The following DYNC2H1 variants were observed in gnomAD, a reference collection of about 807,000 sequenced individuals.
The protein encoded by DYNC2H1 is dynein cytoplasmic 2 heavy chain 1, also known as cytoplasmic dynein 2 heavy chain 1.
A neutral mutation model predicts 570.0 loss-of-function variants in DYNC2H1; 410 were observed. That is an observed-to-expected ratio of 0.72 (90% confidence interval 0.66 to 0.78). The LOEUF (loss-of-function observed/expected upper bound fraction) is 0.78, where lower values mean the gene tolerates loss of function less well. Among genes scored for constraint, DYNC2H1 ranks in the 30% least tolerant of loss-of-function variants. The pLI is 0.00. For synonymous variants in DYNC2H1, 1,688 were observed against 1,677.6 expected (o/e 1.01, Z -0.15); for missense variants, 4,865 against 5,046.4 (o/e 0.96, Z 1.09).
chr11:103,396,272 T>C (rs1314374214), intron 83 of DYNC2H1, among the ~76,000 whole-genome samples: 1 of 152,236 alleles, frequency 6.6e-6, no homozygotes, highest in Non-Finnish European at 1.5e-5. Flanking sequence ...GTTGAGAGGT[T>C]GGCAAACTGC....
chr11:103,208,647 A>G (rs1456995500), intron 52 of DYNC2H1, among the ~76,000 whole-genome samples: 1 of 152,162 alleles, frequency 6.6e-6, no homozygotes, highest in Admixed American at 6.6e-5. Context: ...TTATTTAATA[A>G]GCAACTAGAA....
intron 83 of DYNC2H1, among the ~76,000 whole-genome samples, chr11:103,379,957 A>G (rs569889050): frequency 6.6e-6 from 1 of 152,206 alleles, no homozygotes; most frequent in Non-Finnish European, 1.5e-5. Flanking sequence ...AACAGGAATT[A>G]TTTGGGGAGA....
At position 103,189,618 on chromosome 11, in the gene DYNC2H1, T is replaced by A. The variant is rs1862215042; in HGVS notation, c.7293-54T>A. On this transcript the variant is annotated intron_variant, in intron 44 of 88. Coordinates refer to ENST00000375735, the MANE Select transcript of DYNC2H1 (RefSeq NM_001377.3). This position sits in a 1 kb window ranked among gnomAD's most constrained non-coding sequence, Gnocchi z 4.3. Reference sequence around the variant, plus strand: ...CTGTTGTAACTTAACATTGAAATATTAATTTGGAATACTGATTTATTTCAG... The same window carrying A: ...CTGTTGTAACTTAACATTGAAATATAAATTTGGAATACTGATTTATTTCAG... 6.4e-7 allele frequency: 1 copy of A among 1,551,148 alleles called. No individual in the cohort carries two copies. The highest frequency in any genetic ancestry group is 1.4e-5 in the African/African-American group (1 of 73,468).
At chr11:103,206,047 G>A (rs987324191) in intron 52 of DYNC2H1, among the ~76,000 whole-genome samples, 4 of 152,140 alleles carry the variant, frequency 2.6e-5, no homozygotes, top group Non-Finnish European at 1.5e-5. Flanking sequence ...AGCAATGGTT[G>A]GAGCAGTTAC....
intron 59 of DYNC2H1, among the ~76,000 whole-genome samples, chr11:103,227,152 C>T (rs1945142468): frequency 6.6e-6 from 1 of 151,126 alleles, no homozygotes; most frequent in Admixed American, 6.6e-5. Flanking sequence ...TTTCATTTAT[C>T]TTTTGTATTT....
chr11:103,203,748 T>TGG lies in DYNC2H1; in HGVS notation c.8284_8285dup (p.Pro2763AspfsTer19), dbSNP rs780078255. 6.2e-7 allele frequency: 1 copy of TGG among 1,611,276 alleles called. No individual in the cohort carries two copies. The highest frequency in any genetic ancestry group is 2.2e-5 in the East Asian group (1 of 44,708). On this transcript the variant is annotated frameshift_variant, in exon 51 of 89. Coordinates refer to ENST00000375735, the MANE Select transcript of DYNC2H1 (RefSeq NM_001377.3). LOFTEE classifies it high-confidence loss of function. This position sits in a 1 kb window ranked among gnomAD's most constrained non-coding sequence, Gnocchi z 4.7. ...ATCAAGCTTCACAAGATGGTTTTTT[T>TGG]GGACCAGTCTTCAATTACTTCACAT... is the stretch of plus-strand genomic sequence containing the variant.
intron 82 of DYNC2H1, among the ~76,000 whole-genome samples, chr11:103,337,804 G>T (rs1015187869): frequency 1.3e-5 from 2 of 152,164 alleles, no homozygotes; most frequent in Non-Finnish European, 2.9e-5. Flanking sequence ...GTTGAATAGT[G>T]TGCATATATT....
At chr11:103,459,308 CAAAAAAAAAAAA>C (rs33941099) in intron 87 of DYNC2H1, among the ~76,000 whole-genome samples, 2 of 52,426 alleles carry the variant, frequency 3.8e-5, no homozygotes, top group South Asian at 1.2e-3. Context: ...GACTCCGTCT[CAAAAAAAAAAAA>C]AAAAAAAAAA....
Position 103,456,285 on chromosome 11 carries a change from C to T in DYNC2H1, c.12577C>T (p.Arg4193Cys), listed in dbSNP as rs369231694. ...GCTTTACCTTTACAGGGCAGTGGGT[C>T]GTTCTGTGGATAGCCTTAAATTTGT... ...LRQETARAVG[R>C]SVDSLKFVAS... Residue 4193 changes from arginine (R) to cysteine (C), a missense_variant, in exon 87 of 89, where the codon CGT (arginine) becomes TGT (cysteine). Physicochemically the swap from Arg to Cys is radical, Grantham distance 180. Transcript: ENST00000375735. The T allele has an allele frequency of 5.3e-5, 85 of 1,607,704 alleles. No homozygotes were observed. Among genetic ancestry groups the T allele is most frequent in the Non-Finnish European group, 7.1e-5 (83 of 1,176,502 alleles).
At chr11:103,193,067 C>T (rs1862381221) in intron 47 of DYNC2H1, among the ~76,000 whole-genome samples, 1 of 152,148 alleles carries the variant, frequency 6.6e-6, no homozygotes, top group South Asian at 2.1e-4. Flanking sequence ...GTCTGAGATC[C>T]ATGAGTACCT....
chr11:103,473,345 G>A (rs777540979), intron 88 of DYNC2H1, among the ~76,000 whole-genome samples: 3 of 144,528 alleles, frequency 2.1e-5, no homozygotes, highest in Non-Finnish European at 3.0e-5. Flanking sequence ...GGAGTGCAGT[G>A]GCTCCATGAT....
At chr11:103,191,867 A>G (rs1416789247) in intron 46 of DYNC2H1, among the ~76,000 whole-genome samples, 1 of 152,058 alleles carries the variant, frequency 6.6e-6, no homozygotes, top group African/African-American at 2.4e-5. Flanking sequence ...ACTTTCTGGA[A>G]TTATTTTTGT....
chr11:103,434,562 A>C (rs70504), intron 84 of DYNC2H1, among the ~76,000 whole-genome samples: 83,620 of 151,278 alleles, frequency 0.55, 23,672 homozygotes, highest in East Asian at 0.71. Context: ...GTCCAATGCC[A>C]TATGATTGAG....
intron 82 of DYNC2H1, among the ~76,000 whole-genome samples, chr11:103,337,198 C>G (rs1199147566): frequency 1.3e-5 from 2 of 152,160 alleles, no homozygotes; most frequent in African/African-American, 2.4e-5. Flanking sequence ...CCATTGTTCC[C>G]CTAAGAATAC....
intron 65 of DYNC2H1, among the ~76,000 whole-genome samples, chr11:103,250,795 A>G (rs1864801514): frequency 6.6e-6 from 1 of 151,096 alleles, no homozygotes. Context: ...TCAACTTATA[A>G]ATTCCTTAGT....
chr11:103,111,977 T>C (rs1858137062), intron 1 of DYNC2H1, among the ~76,000 whole-genome samples: 2 of 152,156 alleles, frequency 1.3e-5, no homozygotes, highest in African/African-American at 2.4e-5. Flanking sequence ...GCTACAGATA[T>C]ATGTAACATA....
chr11:103,411,269 T>C (rs915152227), intron 84 of DYNC2H1, among the ~76,000 whole-genome samples: 2 of 152,130 alleles, frequency 1.3e-5, no homozygotes, highest in African/African-American at 4.8e-5. Context: ...AATTAGGGTA[T>C]AATTGATTTA....
chr11:103,254,138 A>T lies in DYNC2H1; in HGVS notation c.10206+690A>T, dbSNP rs1864950887. On this transcript the variant is annotated intron_variant, in intron 66 of 88. Coordinates refer to ENST00000375735, the MANE Select transcript of DYNC2H1 (RefSeq NM_001377.3). The surrounding 1 kb of genome is among the most constrained non-coding windows in gnomAD (Gnocchi z 4.9). ...TTGTAATTTTTAAAATTGTCCTTTCAAAATATTTCTTTGTATACCATATGA... is the reference window on the plus strand; with the variant it reads ...TTGTAATTTTTAAAATTGTCCTTTCTAAATATTTCTTTGTATACCATATGA... Among the ~76,000 whole-genome samples the T allele has an allele frequency of 6.6e-6, 1 of 152,270 alleles. No individual in the cohort carries two copies. The highest frequency in any genetic ancestry group is 1.9e-4 in the East Asian group (1 of 5,192).
intron 61 of DYNC2H1, 128 bp from the exon 62 acceptor site, chr11:103,235,544 C>G (rs543856013): frequency 6.2e-5 from 47 of 752,098 alleles, no homozygotes; most frequent in Non-Finnish European, 8.5e-5. Flanking sequence ...TACATTTTGA[C>G]TGTTACATTC....
Sources: allele counts gnomAD v4.1 joint callset (sites outside exome capture counted in the v4.1 genomes callset), GRCh38; gene constraint gnomAD v4.1.1; non-coding constraint Gnocchi (gnomAD v3.1); transcripts MANE v1.5; gene names NCBI Gene and HGNC (gene_info 2026-07-23, HGNC 2026-07-21).